The following RNLS variants were observed in gnomAD, a reference collection of about 807,000 sequenced individuals.
RNLS encodes renalase, FAD dependent amine oxidase, also known as renalase.
In RNLS, 39 loss-of-function variants were observed where a neutral mutation model predicts 39.8. The ratio of observed to expected loss-of-function variants is 0.98; its 90% CI spans 0.76 to 1.28. The LOEUF (loss-of-function observed/expected upper bound fraction) is 1.28. RNLS is among the 50% of genes most tolerant of loss of function. RNLS has a pLI of 0.00. For missense variants in RNLS, 410 were observed against 413.3 expected, an observed-to-expected ratio of 0.99 and a Z score of 0.07; for synonymous variants, 147 against 150.7, an observed-to-expected ratio of 0.98 and a Z score of 0.18.
intron 6 of RNLS, among the ~76,000 whole-genome samples, chr10:88,307,134 A>G (rs1409110220): frequency 6.6e-6 from 1 of 152,230 alleles, no homozygotes; most frequent in Non-Finnish European, 1.5e-5. Context: ...TTTCATGTGA[A>G]AAACTCTCGA....
chr10:88,329,070 T>C (rs570173986), intron 5 of RNLS, among the ~76,000 whole-genome samples: 4 of 151,842 alleles, frequency 2.6e-5, no homozygotes, highest in Non-Finnish European at 5.9e-5. Flanking sequence ...GGAAGTCAAG[T>C]GTTTTTTGTT....
chr10:88,203,766 T>C, the RNLS span, among the ~76,000 whole-genome samples: 1 of 151,004 alleles, frequency 6.6e-6, no homozygotes, highest in African/African-American at 2.4e-5. Flanking sequence ...TACAAATATT[T>C]ATTATAAAAT....
the RNLS span, among the ~76,000 whole-genome samples, chr10:88,203,366 GTGTA>G: frequency 3.3e-3 from 4 of 1,216 alleles, 2 homozygotes; most frequent in African/African-American, 0.042. Context: ...ACGTATGTGT[GTGTA>G]TATATATATA....
chr10:88,348,672 T>C (rs1848476828), intron 5 of RNLS, among the ~76,000 whole-genome samples: 1 of 152,186 alleles, frequency 6.6e-6, no homozygotes. Context: ...TGAACTTTTT[T>C]GGCATCCCCA....
chr10:88,195,733 A>AAAATGAT, the RNLS span, among the ~76,000 whole-genome samples: 1 of 152,334 alleles, frequency 6.6e-6, no homozygotes, highest in African/African-American at 2.4e-5. Context: ...AATAGAAAAG[A>AAAATGAT]AAATGATACC....
intron 4 of RNLS, among the ~76,000 whole-genome samples, chr10:88,486,779 CA>C (rs1236056049): frequency 2.6e-5 from 4 of 152,078 alleles, no homozygotes; most frequent in Non-Finnish European, 4.4e-5. Flanking sequence ...TAAATTAGTT[CA>C]ACCATTGTAG....
the RNLS span, among the ~76,000 whole-genome samples, chr10:88,233,722 G>T: frequency 3.3e-5 from 5 of 152,216 alleles, no homozygotes; most frequent in South Asian, 8.3e-4. Flanking sequence ...GAGTAAGCCT[G>T]TTCCCTCTGT....
Position 88,336,218 on chromosome 10 carries a change from A to C in RNLS, c.701-21577T>G, listed in dbSNP as rs117135371. On this transcript the variant is annotated intron_variant, in intron 5 of 6. Transcript: ENST00000331772. ...AAATACTAGCTTTTAAAAAACCGAC[A>C]CACCTATTAGCTTCTTTTCTTCTTT... Among the ~76,000 whole-genome samples the C allele has an allele frequency of 4.0e-3, 615 of 152,288 alleles. 3 individuals carry two copies. The highest frequency in any genetic ancestry group is 0.029 in the South Asian group (138 of 4,820).
At chr10:88,395,229 A>G (rs78461573) in intron 4 of RNLS, among the ~76,000 whole-genome samples, 8,879 of 108,414 alleles carry the variant, frequency 0.082, 389 homozygotes, top group African/African-American at 0.17. Flanking sequence ...CAAGAACTTT[A>G]AAAGATGAAA....
At chr10:88,346,098 AAG>A (rs932672529) in intron 5 of RNLS, among the ~76,000 whole-genome samples, 36 of 152,206 alleles carry the variant, frequency 2.4e-4, no homozygotes, top group African/African-American at 7.7e-4. Flanking sequence ...CTGATATAAA[AAG>A]AGAGATAATT....
chr10:88,391,430 C>T (rs1197307699), intron 4 of RNLS, among the ~76,000 whole-genome samples: 6 of 152,028 alleles, frequency 3.9e-5, no homozygotes, highest in Non-Finnish European at 8.8e-5. Context: ...TGGTGGTAGG[C>T]ACCTGTAGTC....
intron 1 of RNLS, 140 bp from the exon 2 acceptor site, chr10:88,582,447 T>C (rs760706522): frequency 1.4e-5 from 9 of 628,792 alleles, no homozygotes; most frequent in Non-Finnish European, 1.9e-5. Context: ...TTTGATCAGA[T>C]TGTGAGATTT....
intron 4 of RNLS, among the ~76,000 whole-genome samples, chr10:88,556,304 AG>A (rs1257402512): frequency 6.6e-6 from 1 of 152,180 alleles, no homozygotes; most frequent in Non-Finnish European, 1.5e-5. Flanking sequence ...TGCAAAAATG[AG>A]GGATCCTTGT....
intron 4 of RNLS, among the ~76,000 whole-genome samples, chr10:88,469,403 A>G (rs1843385615): frequency 6.6e-6 from 1 of 152,174 alleles, no homozygotes; most frequent in African/African-American, 2.4e-5. Flanking sequence ...TGGGACATAT[A>G]AATTGAGGCT....
the RNLS span, among the ~76,000 whole-genome samples, chr10:88,202,287 G>A: frequency 4.4e-3 from 566 of 129,894 alleles, 9 homozygotes; most frequent in African/African-American, 0.015. Context: ...ATCACACACC[G>A]GGGCCTGATG....
At chr10:88,559,949 T>A (rs1849082541) in intron 4 of RNLS, among the ~76,000 whole-genome samples, 1 of 152,144 alleles carries the variant, frequency 6.6e-6, no homozygotes, top group African/African-American at 2.4e-5. Context: ...TTGTATTTTT[T>A]ATTAATATAT....
chr10:88,179,052 T>TA, the RNLS span, among the ~76,000 whole-genome samples: 1 of 152,056 alleles, frequency 6.6e-6, no homozygotes, highest in Non-Finnish European at 1.5e-5. Flanking sequence ...ATGTCATCTC[T>TA]AAAAAAAGAA....
At chr10:88,256,491 G>C in the RNLS span, among the ~76,000 whole-genome samples, 1 of 152,202 alleles carries the variant, frequency 6.6e-6, no homozygotes, top group Non-Finnish European at 1.5e-5. Context: ...AACTCGGCCT[G>C]AAAACCTTCC....
At chr10:88,371,232 A>G (rs1589672043) in intron 4 of RNLS, among the ~76,000 whole-genome samples, 1 of 152,174 alleles carries the variant, frequency 6.6e-6, no homozygotes, top group African/African-American at 2.4e-5. Context: ...TACCTAGCAC[A>G]TAACAAGTGT....
Sources: gnomAD v4.1 joint callset for allele counts (sites outside exome capture counted in the v4.1 genomes callset) on GRCh38, gnomAD v4.1.1 for gene constraint, MANE v1.5 for transcripts, NCBI Gene and HGNC (gene_info 2026-07-23, HGNC 2026-07-21) for gene names.